CIZ1: variants seen among roughly 807,000 people sequenced by gnomAD.
CIZ1 encodes the protein CDKN1A interacting zinc finger protein 1, also known as cip1-interacting zinc finger protein.
Under a neutral mutation model 118.6 loss-of-function variants are expected in CIZ1, and 58 were observed. The ratio of observed to expected loss-of-function variants is 0.49; its 90% confidence interval spans 0.40 to 0.61. The LOEUF (loss-of-function observed/expected upper bound fraction) is 0.61, where lower values mean the gene tolerates loss of function less well. Among genes scored for constraint, CIZ1 ranks in the 20% least tolerant of loss-of-function variants. CIZ1 has a pLI of 0.00. For missense variants in CIZ1, 921 were observed against 1,115.9 expected (o/e 0.83, Z 2.49); for synonymous variants, 448 against 443.4 (o/e 1.01, Z -0.13).
In CIZ1 at chr9:128,166,485, T is replaced by C; in HGVS notation, c.2488-79A>G. 8.3e-7 allele frequency: 1 copy of C among 1,210,030 alleles called. No homozygotes were observed. The highest frequency in any genetic ancestry group is 1.2e-6 in the Non-Finnish European group (1 of 869,408). 75.0% of individuals were successfully genotyped at this position (1,210,030 alleles called of 1,614,324 possible). The stretch of plus-strand genomic sequence containing the variant: ...CCTGGCCAGCAGCTACTTCCCCAGC[T>C]CTGGCTGAGACAGTATTAGTGTGCT... On this transcript the variant is annotated intron_variant, in intron 16 of 16. Coordinates refer to ENST00000372938, the MANE Select transcript of CIZ1 (RefSeq NM_001131016.2). The surrounding 1 kb of genome is among the most constrained non-coding windows in gnomAD (Gnocchi z 4.4).
At chr9:128,200,706 G>A (rs1206198750) in intron 1 of CIZ1, among the ~76,000 whole-genome samples, 1 of 151,310 alleles carries the variant, frequency 6.6e-6, no homozygotes, top group Non-Finnish European at 1.5e-5. Flanking sequence ...GCGTGGTGGT[G>A]CATGCCTGTA....
Position 128,166,706 on chromosome 9 carries a change from G to A in CIZ1, c.2487+53C>T. The A allele has an allele frequency of 1.2e-6, 2 of 1,612,854 alleles. No individual in the cohort carries two copies. Among genetic ancestry groups the A allele is most frequent in the East Asian group, 2.2e-5 (1 of 44,886 alleles). The stretch of plus-strand genomic sequence containing the variant: ...GCCACTAGCCACCCGAATCAGCTTG[G>A]ATTAAGACTAAGTCTGTGGCCAGGG... On this transcript the variant is annotated intron_variant, in intron 16 of 16. Coordinates refer to ENST00000372938, the MANE Select transcript of CIZ1 (RefSeq NM_001131016.2). This position sits in a 1 kb window ranked among gnomAD's most constrained non-coding sequence, Gnocchi z 4.4.
intron 11 of CIZ1, among the ~76,000 whole-genome samples, chr9:128,173,357 T>G (rs1411687754): frequency 1.3e-5 from 2 of 151,630 alleles, no homozygotes; most frequent in Non-Finnish European, 2.9e-5. Context: ...GTGTTAGCCA[T>G]GATGGTCTCG....
Position 128,185,708 on chromosome 9 carries a change from C to T in CIZ1, c.427G>A (p.Ala143Thr), listed in dbSNP as rs1176114744. Reference protein sequence around the residue: ...AAPSLTPPQLATPNLQQFFPQ... With the variant: ...AAPSLTPPQLTTPNLQQFFPQ... ...AAGAACTGTTGCAAATTTGGAGTGG[C>T]CAGTTGTGGGGGTGTGAGGCTGGGG... is the stretch of plus-strand genomic sequence containing the variant. The change falls in exon 5 of 17, where the codon GCC (alanine) becomes ACC (threonine). Residue 143 changes from alanine (A) to threonine (T), a missense_variant. Physicochemically the swap from Ala to Thr is moderately conservative, Grantham distance 58 (BLOSUM62 0). Transcript: ENST00000372938. 1 of 1,611,106 alleles carries T rather than the reference C, an allele frequency of 6.2e-7. No homozygotes were observed. The highest frequency in any genetic ancestry group is 1.1e-5 in the South Asian group (1 of 90,598).
intron 11 of CIZ1, among the ~76,000 whole-genome samples, chr9:128,171,947 C>T (rs1446964787): frequency 5.3e-5 from 8 of 151,640 alleles, no homozygotes; most frequent in Non-Finnish European, 1.2e-4. Context: ...ATGTCAATGA[C>T]AAGGGCTGTG....
Position 128,185,645 on chromosome 9 carries a change from G to C in CIZ1, c.490C>G (p.Pro164Ala), listed in dbSNP as rs1281485864. The C allele has an allele frequency of 1.3e-6, 2 of 1,583,306 alleles. No individual in the cohort carries two copies. The highest frequency in any genetic ancestry group is 1.7e-6 in the Non-Finnish European group (2 of 1,163,958). Residue 164 changes from proline (P) to alanine (A), a missense_variant, in exon 5 of 17, where the codon CCT becomes GCT. Coordinates refer to ENST00000372938, the MANE Select transcript of CIZ1 (RefSeq NM_001131016.2). The stretch of plus-strand genomic sequence containing the variant: ...GAAGGGTTCATGGGGACCCCAACAG[G>C]AGGAGGTCCCAGCAAGGACTGGCGA... ...ATRQSLLGPP[P>A]VGVPMNPSQF... is the part of the protein sequence containing the mutation.
chr9:128,188,805 T>C (rs1314887886), intron 3 of CIZ1, among the ~76,000 whole-genome samples: 3 of 151,338 alleles, frequency 2.0e-5, no homozygotes, highest in Non-Finnish European at 4.4e-5. Context: ...GCCAATTTTT[T>C]TTTTCTTTTT....
Position 128,187,938 on chromosome 9 carries a change from T to C in CIZ1, c.287-4A>G. 1 of 739,656 alleles carries C rather than the reference T, an allele frequency of 1.4e-6. No individual in the cohort carries two copies. Among genetic ancestry groups the C allele is most frequent in the Non-Finnish European group, 2.5e-6 (1 of 397,304 alleles). 45.8% of individuals were successfully genotyped at this position (739,656 alleles called of 1,614,324 possible). A position where few individuals can be genotyped will look rare whatever the true frequency, so the allele number is the denominator to read the frequency against. ...GGCATTGCAAACTGGTCCAGTCCTT[T>C]AGGAAAGCAATTCGGCAATACTTAT... On this transcript the variant is annotated splice_region_variant and splice_polypyrimidine_tract_variant and intron_variant, in intron 3 of 16. Coordinates refer to ENST00000372938, the MANE Select transcript of CIZ1 (RefSeq NM_001131016.2).
chr9:128,168,522 A>G (rs549616591), intron 14 of CIZ1, among the ~76,000 whole-genome samples: 1 of 147,154 alleles, frequency 6.8e-6, no homozygotes, highest in East Asian at 1.9e-4. Context: ...TCTTGAAAAA[A>G]AAAAAGAAAA....
At chr9:128,193,410 C>G (rs1001059537), upstream of CIZ1, among the ~76,000 whole-genome samples, 2 of 152,064 alleles carry the variant, frequency 1.3e-5, no homozygotes, top group African/African-American at 4.8e-5. Flanking sequence ...AGGGGCGAGT[C>G]AAGACTGCCC....
At chr9:128,177,528 G>GGGGCCC in intron 10 of CIZ1, 38 bp downstream of exon 10, 1 of 1,164,644 alleles carries the variant, frequency 8.6e-7, no homozygotes. Flanking sequence ...TTCCACGCAG[G>GGGGCCC]CCCCACCCCT....
chr9:128,201,409 C>A (rs1376176867), intron 1 of CIZ1, among the ~76,000 whole-genome samples: 3 of 152,176 alleles, frequency 2.0e-5, no homozygotes, highest in Non-Finnish European at 4.4e-5. Flanking sequence ...GAGATCATGC[C>A]ACTGCACTCC....
At chr9:128,202,505 G>C (rs1833560151) in intron 1 of CIZ1, among the ~76,000 whole-genome samples, 1 of 152,070 alleles carries the variant, frequency 6.6e-6, no homozygotes, top group Admixed American at 6.6e-5. Flanking sequence ...TCCCAAGAAG[G>C]GCCCTCCAGG....
At chr9:128,172,446 T>C (rs1172530889) in intron 11 of CIZ1, among the ~76,000 whole-genome samples, 3 of 152,052 alleles carry the variant, frequency 2.0e-5, no homozygotes, top group Non-Finnish European at 4.4e-5. Context: ...TGAGCCAAGA[T>C]TGCGCCACTG....
At chr9:128,199,671 C>T (rs1053352769) in intron 1 of CIZ1, among the ~76,000 whole-genome samples, 1 of 151,990 alleles carries the variant, frequency 6.6e-6, no homozygotes, top group Non-Finnish European at 1.5e-5. Flanking sequence ...TGCTACTGCA[C>T]TCCAGTCTGG....
chr9:128,167,062 C>T, intron 15 of CIZ1, 33 bp downstream of exon 15: 1 of 1,584,958 alleles, frequency 6.3e-7, no homozygotes, highest in Non-Finnish European at 8.6e-7. Flanking sequence ...AGGGCTGAAG[C>T]TCCTGCAGGT....
chr9:128,169,458 C>T lies in CIZ1; in HGVS notation c.2093G>A (p.Arg698His), dbSNP rs942892785. Residue 698 changes from arginine (R) to histidine (H), a missense_variant, in exon 13 of 17, where the codon CGC becomes CAC. Transcript: ENST00000372938. Reference sequence around the variant, plus strand: ...GGACTTCACGTGCTCCACAAACTTGCGAGGGGTTTTGAAGTAGCGGTTGCA... The same window carrying T: ...GGACTTCACGTGCTCCACAAACTTGTGAGGGGTTTTGAAGTAGCGGTTGCA... ...TVCNRYFKTP[R>H]KFVEHVKSQG... 1.2e-6 allele frequency: 2 copies of T among 1,614,174 alleles called. No individual in the cohort carries two copies. The highest frequency in any genetic ancestry group is 1.7e-6 in the Non-Finnish European group (2 of 1,180,038).
chr9:128,183,346 G>T (rs1831927054), intron 5 of CIZ1, among the ~76,000 whole-genome samples: 1 of 152,170 alleles, frequency 6.6e-6, no homozygotes, highest in Non-Finnish European at 1.5e-5. Flanking sequence ...CTAAGCCTGG[G>T]TTTTTCCATA....
intron 11 of CIZ1, among the ~76,000 whole-genome samples, chr9:128,172,172 A>AAAAAAAAAAAAAG (rs1830221721): frequency 8.2e-6 from 1 of 121,340 alleles, no homozygotes; most frequent in African/African-American, 3.2e-5. Context: ...AAAAAAAAAA[A>AAAAAAAAAAAAAG]AAAAAGAAAA....
Sources: gnomAD v4.1 joint callset for allele counts (sites outside exome capture counted in the v4.1 genomes callset) on GRCh38, gnomAD v4.1.1 for gene constraint, Gnocchi (gnomAD v3.1) non-coding constraint, MANE v1.5 for transcripts, NCBI Gene and HGNC (gene_info 2026-07-23, HGNC 2026-07-21) for gene names.